The following DENND2C variants were observed in gnomAD, a reference collection of about 807,000 sequenced individuals.
The protein encoded by DENND2C is DENN domain containing 2C.
A neutral mutation model predicts 112.4 loss-of-function variants in DENND2C; 72 were observed. The observed-to-expected ratio is 0.64, with a 90% CI of 0.53 to 0.78. The LOEUF (loss-of-function observed/expected upper bound fraction) is 0.78. DENND2C is among the 30% of genes least tolerant of loss of function. The pLI is 0.00. For missense variants in DENND2C, 992 were observed against 1,113.8 expected, an observed-to-expected ratio of 0.89 and a Z score of 1.56; for synonymous variants, 329 against 381.6, an observed-to-expected ratio of 0.86 and a Z score of 1.61.
rs1394839404 is a variant in DENND2C at position 114,604,998 on chromosome 1, C to T, written c.1591G>A (p.Glu531Lys). The T allele has an allele frequency of 3.7e-6, 6 of 1,613,548 alleles. No homozygotes were observed. The highest frequency in any genetic ancestry group is 5.1e-6 in the Non-Finnish European group (6 of 1,179,916). Reference protein sequence around the residue: ...DHGYKQSKDMEERLKVIPKFC... With the variant: ...DHGYKQSKDMKERLKVIPKFC... ...TTTGGAATAACTTTAAGTCTCTCTT[C>T]CATGTCTTTGGACTGCTTATAGCCA... Residue 531 changes from glutamate (E) to lysine (K), a missense_variant, in exon 11 of 21, where the codon GAA becomes AAA. By Grantham distance (56) the Glu-to-Lys change is moderately conservative. Transcript: ENST00000393274.
chr1:114,601,475 C>T, intron 13 of DENND2C, 33 bp downstream of exon 13: 1 of 1,587,914 alleles, frequency 6.3e-7, no homozygotes, highest in Non-Finnish European at 8.6e-7. Flanking sequence ...TCAAAAAGGA[C>T]ACCATTTTTC....
intron 3 of DENND2C, among the ~76,000 whole-genome samples, chr1:114,636,272 C>T (rs1414766278): frequency 1.3e-5 from 2 of 152,126 alleles, no homozygotes; most frequent in African/African-American, 2.4e-5. Context: ...AAACCCACTG[C>T]TGATATCACA....
At chr1:114,621,742 A>G (rs1656171548) in intron 7 of DENND2C, among the ~76,000 whole-genome samples, 153 bp downstream of exon 7, 1 of 152,234 alleles carries the variant, frequency 6.6e-6, no homozygotes, top group Non-Finnish European at 1.5e-5. Context: ...CTCTAGCATG[A>G]GCAAAAATTT....
At chr1:114,651,598 G>A (rs376815921) in intron 2 of DENND2C, among the ~76,000 whole-genome samples, 1 of 152,052 alleles carries the variant, frequency 6.6e-6, no homozygotes, top group South Asian at 2.1e-4. Context: ...AATTAGCTGG[G>A]CATGGTGGCA....
In DENND2C at chr1:114,611,266, G is replaced by C. The variant is rs1655808293; in HGVS notation, c.1325-149C>G. 5.7e-5 allele frequency: 46 copies of C among 804,200 alleles called. 1 individual carries two copies. In the South Asian group the frequency reaches 8.2e-4, roughly 14 times the overall value. The allele number at this position is 804,200 out of a possible 1,614,324, so 49.8% of individuals were successfully genotyped here. On this transcript the variant is annotated intron_variant, in intron 8 of 20. Coordinates refer to ENST00000393274, the MANE Select transcript of DENND2C (RefSeq NM_001256404.2). ...TCTCCAAACCACTTGGTTGTATCAAGTTGGGATAGTTACCAAAAGAGAGTA... is the reference window on the plus strand; with the variant it reads ...TCTCCAAACCACTTGGTTGTATCAACTTGGGATAGTTACCAAAAGAGAGTA...
intron 8 of DENND2C, among the ~76,000 whole-genome samples, chr1:114,615,688 GC>G (rs1557946089): frequency 6.6e-6 from 1 of 152,170 alleles, no homozygotes; most frequent in Non-Finnish European, 1.5e-5. Flanking sequence ...TCAGTACATA[GC>G]AGGAAAGAGA....
intron 8 of DENND2C, among the ~76,000 whole-genome samples, chr1:114,615,818 G>A (rs559978233): frequency 6.6e-6 from 1 of 152,226 alleles, no homozygotes; most frequent in Non-Finnish European, 1.5e-5. Context: ...GCTCACGCCT[G>A]TAATCCCAGC....
intron 7 of DENND2C, among the ~76,000 whole-genome samples, chr1:114,620,817 C>CTGAT (rs1373518628): frequency 3.3e-5 from 5 of 151,818 alleles, no homozygotes; most frequent in Non-Finnish European, 7.4e-5. Context: ...GGGCAGAAAA[C>CTGAT]TGATAAGAAT....
chr1:114,606,689 T>TA (rs1427214319), intron 10 of DENND2C, among the ~76,000 whole-genome samples: 1 of 152,210 alleles, frequency 6.6e-6, no homozygotes, highest in African/African-American at 2.4e-5. Flanking sequence ...ATGGAGTTTT[T>TA]ATTTGCTATT....
Position 114,599,430 on chromosome 1 carries a change from A to C in DENND2C, c.2127T>G (p.His709Gln), listed in dbSNP as rs373650502. ...NSLSTLSKCG[H>Q]AVVATLYPFT... ...ACGGATACAGTGTAGCTACCACAGC[A>C]TGGCCACATTTTGACAGGGTGCTAG... The change falls in exon 16 of 21, where the codon CAT becomes CAG. Residue 709 changes from histidine to glutamine, a missense_variant. By Grantham distance (24) the His-to-Gln change is conservative. Transcript: ENST00000393274. 1.9e-5 allele frequency: 31 copies of C among 1,613,796 alleles called. No homozygotes were observed. The African/African-American group carries it at 2.5e-4, about 13-fold the overall frequency.
rs561912187 is a variant in DENND2C, at chr1:114,608,862, G to A, written c.1381C>T (p.Arg461Cys). ...AEYLPKNRHK[R>C]LAQLQPSSKR... Reference sequence around the variant, plus strand: ...GAAGACGGTTGCAGTTGTGCTAAGCGTTTATGGCGATCTGTAATGAAATCA... The same window carrying A: ...GAAGACGGTTGCAGTTGTGCTAAGCATTTATGGCGATCTGTAATGAAATCA... Residue 461 changes from arginine (R) to cysteine (C), a missense_variant, in exon 10 of 21, where the codon CGC becomes TGC. By Grantham distance (180) the Arg-to-Cys change is radical. This residue lies in a region of DENND2C where 516 missense variants were observed against 623.6 expected (regional missense o/e 0.83). Transcript: ENST00000393274. 152 of 1,614,094 alleles carry A rather than the reference G, an allele frequency of 9.4e-5. 2 individuals carry two copies. In the South Asian group the frequency reaches 1.1e-3, roughly 11 times the overall value.
At chr1:114,596,224 G>A (rs957537272) in intron 16 of DENND2C, among the ~76,000 whole-genome samples, 8 of 152,070 alleles carry the variant, frequency 5.3e-5, no homozygotes, top group East Asian at 1.9e-4. Context: ...TTAGCTGGGC[G>A]TGTAGTACAC....
intron 16 of DENND2C, among the ~76,000 whole-genome samples, chr1:114,597,643 C>T (rs2101645720): frequency 6.6e-6 from 1 of 151,960 alleles, no homozygotes; most frequent in African/African-American, 2.4e-5. Context: ...ATTAGCTGGG[C>T]ATGGTGGTGT....
chr1:114,621,828 T>C, intron 7 of DENND2C, 67 bp downstream of exon 7: 1 of 1,535,082 alleles, frequency 6.5e-7, no homozygotes, highest in Non-Finnish European at 8.8e-7. Context: ...CGGTCTAAAG[T>C]TTACTTATTC....
At chr1:114,591,880 T>TA (rs1293469925) in intron 18 of DENND2C, among the ~76,000 whole-genome samples, 99 of 149,282 alleles carry the variant, frequency 6.6e-4, no homozygotes, top group African/African-American at 2.2e-3. Flanking sequence ...TTATTATTAT[T>TA]TTTATTATTA....
chr1:114,587,194 G>A (rs1655061664), intron 20 of DENND2C, 193 bp downstream of exon 20: 3 of 617,328 alleles, frequency 4.9e-6, no homozygotes, highest in Non-Finnish European at 5.7e-6. Context: ...AAGCCACCAT[G>A]CCCAACCATG....
At chr1:114,624,918 G>A (rs1485969453) in intron 4 of DENND2C, among the ~76,000 whole-genome samples, 3 of 152,186 alleles carry the variant, frequency 2.0e-5, no homozygotes, top group African/African-American at 7.2e-5. Context: ...ACCGTGCCTG[G>A]CGCTGGCCCA....
intron 7 of DENND2C, among the ~76,000 whole-genome samples, chr1:114,619,606 TAAAG>T (rs141469806): frequency 0.026 from 4,006 of 152,264 alleles, 94 homozygotes; most frequent in Non-Finnish European, 0.034. Flanking sequence ...TTTGTGCTCT[TAAAG>T]ATTTTTATCA....
chr1:114,615,784 T>A (rs1655947761), intron 8 of DENND2C, among the ~76,000 whole-genome samples: 1 of 152,108 alleles, frequency 6.6e-6, no homozygotes, highest in Admixed American at 6.6e-5. Flanking sequence ...TTAAGAAAAT[T>A]CTGGCTGGGG....
Sources: allele counts gnomAD v4.1 joint callset (sites outside exome capture counted in the v4.1 genomes callset), GRCh38; gene constraint gnomAD v4.1.1; regional missense constraint gnomAD v4.1.1; transcripts MANE v1.5; gene names NCBI Gene and HGNC (gene_info 2026-07-23, HGNC 2026-07-21).